The following RAB21 variants were observed in gnomAD, a reference collection of about 807,000 sequenced individuals.
The protein encoded by RAB21 is ras-related protein Rab-21.
A neutral mutation model predicts 33.1 loss-of-function variants in RAB21; 13 were observed. The observed-to-expected ratio is 0.39, with a 90% CI of 0.26 to 0.62. RAB21 has a LOEUF of 0.62. RAB21 is among the 20% of genes least tolerant of loss of function. The pLI is 0.48. For missense variants in RAB21, 234 were observed against 279.1 expected, an observed-to-expected ratio of 0.84 and a Z score of 1.15; for synonymous variants, 91 against 103.7, an observed-to-expected ratio of 0.88 and a Z score of 0.74.
chr12:71,782,412 T>G, intron 5 of RAB21, 158 bp from the exon 6 acceptor site: 1 of 529,912 alleles, frequency 1.9e-6, no homozygotes, highest in Non-Finnish European at 3.3e-6. Context: ...TATTTAAAAT[T>G]TGATTTAATG....
chr12:71,771,452 T>C (rs1243457406), intron 3 of RAB21, among the ~76,000 whole-genome samples: 1 of 152,254 alleles, frequency 6.6e-6, no homozygotes, highest in Non-Finnish European at 1.5e-5. Flanking sequence ...TTACCTTGTT[T>C]GTTTTGTTTT....
At chr12:71,775,953 C>T (rs536635664) in intron 4 of RAB21, among the ~76,000 whole-genome samples, 33 of 152,252 alleles carry the variant, frequency 2.2e-4, no homozygotes, top group Non-Finnish European at 4.0e-4. Flanking sequence ...ATTTCCCCTG[C>T]GTTTTGGTCT....
intron 6 of RAB21, among the ~76,000 whole-genome samples, chr12:71,782,915 A>G (rs1042048232): frequency 1.3e-5 from 2 of 152,108 alleles, no homozygotes; most frequent in African/African-American, 2.4e-5. Flanking sequence ...TAATATATGC[A>G]TAAGTATTAA....
In RAB21 at chr12:71,774,682, A is replaced by G. The variant is rs539982373; in HGVS notation, c.391+660A>G. On this transcript the variant is annotated intron_variant, in intron 4 of 6. Transcript: ENST00000261263. ...AGAGGCAGGAGAATCACTTGAACCC[A>G]GGAGGTGGAGGTTGCAGTGAGCCAA... Among the ~76,000 whole-genome samples, 734 of 150,876 alleles carry G rather than the reference A, an allele frequency of 4.9e-3. 6 individuals are homozygous for G. Among genetic ancestry groups the G allele is most frequent in the African/African-American group, 0.017 (700 of 40,934 alleles).
At chr12:71,765,434 G>A (rs1882945391) in intron 1 of RAB21, among the ~76,000 whole-genome samples, 1 of 152,082 alleles carries the variant, frequency 6.6e-6, no homozygotes, top group Non-Finnish European at 1.5e-5. Flanking sequence ...TTATTTTGCT[G>A]TGCAGAAGCG....
intron 3 of RAB21, 72 bp from the exon 4 acceptor site, chr12:71,773,887 A>G: frequency 9.7e-7 from 1 of 1,034,512 alleles, no homozygotes; most frequent in Non-Finnish European, 1.5e-6. Context: ...GACAGTGTTG[A>G]GTTTTTTGGG....
rs1883439457 is a variant in RAB21 at position 71,794,503 on chromosome 12, C to G, written c.*8830C>G. On this transcript the variant is annotated 3_prime_UTR_variant, in exon 7 of 7. Transcript: ENST00000261263. ...CCAGGCCAGAGTGCAGTGGCGCTAT[C>G]TCGGCTCACTGCAAGCTCCGGCTCC... is the stretch of plus-strand genomic sequence containing the variant. 8.3e-6 allele frequency: 1 copy of G among 120,332 alleles called. No individual in the cohort carries two copies. Among genetic ancestry groups the G allele is most frequent in the Non-Finnish European group, 1.6e-5 (1 of 61,782 alleles). 7.5% of individuals were successfully genotyped at this position (120,332 alleles called of 1,614,324 possible).
At chr12:71,762,286 G>GGTTTTGTTTTGTTTTGTTTTGTTTT (rs200338487) in intron 1 of RAB21, among the ~76,000 whole-genome samples, 6 of 151,226 alleles carry the variant, frequency 4.0e-5, no homozygotes, top group African/African-American at 1.5e-4. Flanking sequence ...ACCTAGCTTA[G>GGTTTTGTTTTGTTTTGTTTTGTTTT]GTTTTGTTTT....
intron 1 of RAB21, among the ~76,000 whole-genome samples, chr12:71,759,883 A>C (rs1352003828): frequency 6.6e-6 from 1 of 152,210 alleles, no homozygotes; most frequent in Non-Finnish European, 1.5e-5. Context: ...AGGATATTCT[A>C]ATGCCTGTAA....
intron 1 of RAB21, among the ~76,000 whole-genome samples, chr12:71,760,481 T>C (rs1882856223): frequency 6.6e-6 from 1 of 152,252 alleles, no homozygotes; most frequent in Admixed American, 6.5e-5. Flanking sequence ...ACTGTTTCTC[T>C]GGAATTTACG....
rs1883346704 is a variant in RAB21, at chr12:71,789,434, G to C, written c.*3761G>C. On this transcript the variant is annotated 3_prime_UTR_variant, in exon 7 of 7. Coordinates refer to ENST00000261263, the MANE Select transcript of RAB21 (RefSeq NM_014999.4). ...GTTACGTTATCTCTAAAAGTAGTTT[G>C]ATCTGTGCCTTTAACTTTTAGAATT... 6.6e-6 allele frequency: 1 copy of C among 152,030 alleles called. No homozygotes were observed. The allele number at this position is 152,030 out of a possible 1,614,324, so 9.4% of individuals were successfully genotyped here.
rs1883363310 is a variant in RAB21, at chr12:71,790,428, T to C, written c.*4755T>C. On this transcript the variant is annotated 3_prime_UTR_variant, in exon 7 of 7. Transcript: ENST00000261263. ...ATGGTGAGGGATAGCAAGGATAAAG[T>C]ATAATGTTGAAAAGTAGAAAGAAGT... The C allele has an allele frequency of 6.6e-6, 1 of 151,942 alleles. No individual in the cohort carries two copies. The highest frequency in any genetic ancestry group is 2.4e-5 in the African/African-American group (1 of 41,400). 9.4% of individuals were successfully genotyped at this position (151,942 alleles called of 1,614,324 possible).
At chr12:71,764,822 G>A (rs761973690) in intron 1 of RAB21, among the ~76,000 whole-genome samples, 6 of 152,206 alleles carry the variant, frequency 3.9e-5, no homozygotes, top group African/African-American at 9.6e-5. Context: ...ATTCTATGGC[G>A]TATATATACC....
At chr12:71,767,652 G>GCATATAGA (rs1276673608) in intron 1 of RAB21, among the ~76,000 whole-genome samples, 1 of 152,086 alleles carries the variant, frequency 6.6e-6, no homozygotes, top group Non-Finnish European at 1.5e-5. Flanking sequence ...TGAAGACAAG[G>GCATATAGA]CTTGGTAGAT....
chr12:71,759,843 C>G (rs530816989), intron 1 of RAB21, among the ~76,000 whole-genome samples: 1 of 152,210 alleles, frequency 6.6e-6, no homozygotes, highest in Non-Finnish European at 1.5e-5. Context: ...TGAATTCTTA[C>G]TCCCACTTCA....
intron 6 of RAB21, among the ~76,000 whole-genome samples, chr12:71,783,282 A>G (rs74236530): frequency 0.12 from 17,971 of 151,976 alleles, 1,302 homozygotes; most frequent in East Asian, 0.32. Flanking sequence ...AATTTTCCAT[A>G]TTAAAAAGTT....
intron 1 of RAB21, among the ~76,000 whole-genome samples, chr12:71,758,050 T>A (rs186826521): frequency 6.6e-6 from 1 of 152,172 alleles, no homozygotes; most frequent in African/African-American, 2.4e-5. Context: ...TTTTTCTTTT[T>A]GAGATGGAGT....
At chr12:71,777,711 A>G (rs1005466485) in intron 4 of RAB21, among the ~76,000 whole-genome samples, 2 of 152,178 alleles carry the variant, frequency 1.3e-5, no homozygotes, top group African/African-American at 4.8e-5. Context: ...TAAATTCTCT[A>G]GATCAGCTGT....
chr12:71,792,708 A>C lies in RAB21; in HGVS notation c.*7035A>C, dbSNP rs1883404683. On this transcript the variant is annotated 3_prime_UTR_variant, in exon 7 of 7. Coordinates refer to ENST00000261263, the MANE Select transcript of RAB21 (RefSeq NM_014999.4). ...TGAGTGCCTTCTGTATGCCCAGTGC[A>C]CAAACTGCTATGTGCCCAGTGTACA... The C allele has an allele frequency of 6.6e-6, 1 of 152,234 alleles. No homozygotes were observed. The highest frequency in any genetic ancestry group is 2.4e-5 in the African/African-American group (1 of 41,462). The allele number at this position is 152,234 out of a possible 1,614,324, so 9.4% of individuals were successfully genotyped here.
Sources: allele counts gnomAD v4.1 joint callset (sites outside exome capture counted in the v4.1 genomes callset), GRCh38; gene constraint gnomAD v4.1.1; transcripts MANE v1.5; gene names NCBI Gene and HGNC (gene_info 2026-07-23, HGNC 2026-07-21).